The following SHROOM3 variants were observed in gnomAD, a reference collection of about 807,000 sequenced individuals.
SHROOM3 encodes the protein shroom family member 3, also known as protein Shroom3.
A neutral mutation model predicts 138.6 loss-of-function variants in SHROOM3; 47 were observed. The observed-to-expected ratio is 0.34, with a 90% CI of 0.27 to 0.43. The LOEUF is 0.43. Ranked by LOEUF, SHROOM3 falls within the 20% of genes least tolerant of loss-of-function variation. The pLI is 1.00. For missense variants in SHROOM3, 2,491 were observed against 2,596.5 expected (o/e 0.96, Z 0.88); for synonymous variants, 1,062 against 1,063.3 (o/e 1.00, Z 0.02).
At chr4:76,695,774 G>C (rs751404458) in intron 2 of SHROOM3, among the ~76,000 whole-genome samples, 3 of 152,152 alleles carry the variant, frequency 2.0e-5, no homozygotes, top group Non-Finnish European at 2.9e-5. Context: ...TATTGGTCCT[G>C]ACATCAAAGC....
At chr4:76,548,319 C>A (rs997086693) in intron 1 of SHROOM3, among the ~76,000 whole-genome samples, 2 of 152,154 alleles carry the variant, frequency 1.3e-5, no homozygotes, top group African/African-American at 2.4e-5. Flanking sequence ...ACTGCGGTTT[C>A]TCTTCTAAGT....
At chr4:76,557,309 G>A (rs552292044) in intron 2 of SHROOM3, among the ~76,000 whole-genome samples, 160 of 150,906 alleles carry the variant, frequency 1.1e-3, no homozygotes, top group African/African-American at 3.7e-3. Context: ...CTTGCCATTT[G>A]CAGCAATGTA....
At chr4:76,528,575 TACTC>T (rs1732755458) in intron 1 of SHROOM3, among the ~76,000 whole-genome samples, 1 of 112,896 alleles carries the variant, frequency 8.9e-6, no homozygotes, top group Non-Finnish European at 1.8e-5. Context: ...GGCAGAGTTT[TACTC>T]TTGTTGCCCA....
intron 1 of SHROOM3, among the ~76,000 whole-genome samples, chr4:76,553,179 G>C (rs753489552): frequency 1.4e-4 from 21 of 152,210 alleles, no homozygotes; most frequent in Non-Finnish European, 1.9e-4. Flanking sequence ...TTGAGACAGA[G>C]TCTCGCTCTG....
chr4:76,743,496 C>G (rs981414430), intron 5 of SHROOM3, among the ~76,000 whole-genome samples: 1 of 152,208 alleles, frequency 6.6e-6, no homozygotes, highest in African/African-American at 2.4e-5. Context: ...TTTTGAACTA[C>G]TTGTAGCCTG....
At chr4:76,648,508 T>C (rs1048542121) in intron 2 of SHROOM3, among the ~76,000 whole-genome samples, 6 of 17,894 alleles carry the variant, frequency 3.4e-4, no homozygotes, top group African/African-American at 2.6e-3. Context: ...AGACCTGCAT[T>C]TTTTTTTTTA....
chr4:76,452,704 T>G (rs146175444), intron 1 of SHROOM3, among the ~76,000 whole-genome samples: 28 of 152,324 alleles, frequency 1.8e-4, no homozygotes, highest in Admixed American at 7.2e-4. Context: ...CATTTGAGTT[T>G]AAGTCTTTGT....
intron 10 of SHROOM3, among the ~76,000 whole-genome samples, chr4:76,778,316 G>A (rs932091688): frequency 1.3e-5 from 2 of 151,780 alleles, no homozygotes; most frequent in South Asian, 2.1e-4. Flanking sequence ...CTGCCTCCTG[G>A]GTTCAAGCAA....
chr4:76,706,086 T>C (rs967353309), intron 2 of SHROOM3, among the ~76,000 whole-genome samples: 2 of 152,186 alleles, frequency 1.3e-5, no homozygotes, highest in Non-Finnish European at 1.5e-5. Context: ...CAACAAAGTA[T>C]GCTAGAGAAA....
In SHROOM3 at chr4:76,644,586, T is replaced by C. The variant is rs568242778; in HGVS notation, c.324-65570T>C. 6.6e-5 allele frequency among the ~76,000 whole-genome samples: 10 copies of C among 152,204 alleles called. No homozygotes were observed. The South Asian group carries it at 2.1e-3, about 32-fold the overall frequency. On this transcript the variant is annotated intron_variant, in intron 2 of 10. Transcript: ENST00000296043. ...TACGGGGTTTTTTTTTTTTAACTTT[T>C]ATTTTTAATTGAAACATAATAATTA...
intron 4 of SHROOM3, among the ~76,000 whole-genome samples, chr4:76,735,930 G>A (rs781092418): frequency 3.9e-5 from 5 of 129,648 alleles, no homozygotes; most frequent in Admixed American, 8.4e-5. Context: ...TTCCCCACTC[G>A]ATAGTGTTTC....
chr4:76,728,967 T>C (rs1720789075), intron 3 of SHROOM3, among the ~76,000 whole-genome samples: 1 of 152,224 alleles, frequency 6.6e-6, no homozygotes, highest in Admixed American at 6.6e-5. Context: ...TCCCTCATCA[T>C]TTACCATCCT....
chr4:76,576,871 A>C (rs1316830263), intron 2 of SHROOM3, among the ~76,000 whole-genome samples: 1 of 152,040 alleles, frequency 6.6e-6, no homozygotes, highest in Non-Finnish European at 1.5e-5. Context: ...TTTTAAATTA[A>C]ATTTTTAAAA....
At chr4:76,546,820 A>C (rs7666967) in intron 1 of SHROOM3, among the ~76,000 whole-genome samples, 2,571 of 152,268 alleles carry the variant, frequency 0.017, 71 homozygotes, top group African/African-American at 0.059. Context: ...CCCCTCAATC[A>C]CATACCCCTG....
chr4:76,484,894 A>G (rs1511819), intron 1 of SHROOM3, among the ~76,000 whole-genome samples: 7,810 of 152,072 alleles, frequency 0.051, 248 homozygotes, highest in African/African-American at 0.083. Flanking sequence ...GCCCAGCCAA[A>G]CCTGTCGTCT....
intron 1 of SHROOM3, among the ~76,000 whole-genome samples, chr4:76,509,945 T>A (rs1261605470): frequency 2.0e-5 from 3 of 152,156 alleles, no homozygotes; most frequent in Non-Finnish European, 4.4e-5. Flanking sequence ...TTTGCCAAAA[T>A]TTAAATTATT....
chr4:76,518,267 C>A (rs756417184), intron 1 of SHROOM3, among the ~76,000 whole-genome samples: 16 of 151,982 alleles, frequency 1.1e-4, no homozygotes. Flanking sequence ...GGCATTTAAC[C>A]CCCCAAGAGC....
At chr4:76,646,105 GAT>G (rs1560578439) in intron 2 of SHROOM3, among the ~76,000 whole-genome samples, 1 of 151,612 alleles carries the variant, frequency 6.6e-6, no homozygotes, top group African/African-American at 2.4e-5. Flanking sequence ...AGCATTAGGA[GAT>G]ATACCTAATG....
chr4:76,468,197 G>A lies in SHROOM3; in HGVS notation c.168+31977G>A, dbSNP rs74377706. Among the ~76,000 whole-genome samples, 810 of 152,338 alleles carry A rather than the reference G, an allele frequency of 5.3e-3. 8 individuals are homozygous for A. Among genetic ancestry groups the A allele is most frequent in the African/African-American group, 0.019 (778 of 41,582 alleles). ...CCAAGATTTGACAAGAGTGACGGAAGAGGAAACATTCTACATATAGGGGAC... is the reference window on the plus strand; with the variant it reads ...CCAAGATTTGACAAGAGTGACGGAAAAGGAAACATTCTACATATAGGGGAC... On this transcript the variant is annotated intron_variant, in intron 1 of 10. Transcript: ENST00000296043.
Sources: gnomAD v4.1 joint callset for allele counts (sites outside exome capture counted in the v4.1 genomes callset) on GRCh38, gnomAD v4.1.1 for gene constraint, MANE v1.5 for transcripts, NCBI Gene and HGNC (gene_info 2026-07-23, HGNC 2026-07-21) for gene names.